The following MZB1 variants were observed in gnomAD, a reference collection of about 807,000 sequenced individuals.
The protein encoded by MZB1 is marginal zone B and B1 cell specific protein.
MZB1 carries 10 observed loss-of-function variants against 17.2 expected under a neutral mutation model. That is an observed-to-expected ratio of 0.58 (90% CI 0.36 to 0.98). The LOEUF is 0.98. Ranked by LOEUF, MZB1 falls within the 50% of genes least tolerant of loss-of-function variation. The pLI is 0.01. For missense variants in MZB1, 246 were observed against 237.5 expected (o/e 1.04, Z -0.23); for synonymous variants, 99 against 98.7 (o/e 1.00, Z -0.02).
rs1758538137 is a variant in MZB1, at chr5:139,387,726, C to T, written c.*39G>A. On this transcript the variant is annotated 3_prime_UTR_variant, in exon 4 of 4. Transcript: ENST00000302125. ...CAGACGGGAGTGGAGACCGTCAGAG[C>T]AAGCCCCAGCTTCTTTCAGAGGAGG... 27 of 1,487,964 alleles carry T rather than the reference C, an allele frequency of 1.8e-5. No homozygotes were observed. The highest frequency in any genetic ancestry group is 4.4e-5 in the South Asian group (3 of 68,962). The allele number at this position is 1,487,964 out of a possible 1,614,324, so 92.2% of individuals were successfully genotyped here. A position where few individuals can be genotyped will look rare whatever the true frequency, so the allele number is the denominator to read the frequency against.
chr5:139,389,555 T>A, intron 1 of MZB1, 125 bp downstream of exon 1: 1 of 1,158,576 alleles, frequency 8.6e-7, no homozygotes, highest in Non-Finnish European at 1.2e-6. Flanking sequence ...AGGCTGCATC[T>A]GTGGCTTGAT....
intron 1 of MZB1, 181 bp downstream of exon 1, chr5:139,389,496 TCTG>T (rs1758573753): frequency 6.4e-6 from 5 of 781,082 alleles, no homozygotes; most frequent in Non-Finnish European, 1.1e-5. Flanking sequence ...TCCCAGATTG[TCTG>T]CTGTTAGGCA....
chr5:139,388,945 A>C, intron 1 of MZB1: 1 of 204,044 alleles, frequency 4.9e-6, no homozygotes, highest in Non-Finnish European at 1.0e-5. Flanking sequence ...ATCTCAGCTC[A>C]CTGCAGCCTC....
chr5:139,389,657 G>A (rs990085445), intron 1 of MZB1, 23 bp downstream of exon 1: 3 of 1,579,460 alleles, frequency 1.9e-6, no homozygotes, highest in Non-Finnish European at 2.6e-6. Context: ...AGCAGGGCAG[G>A]GTGACAGTGG....
Position 139,388,095 on chromosome 5 carries a change from G to A in MZB1, c.339C>T (p.Leu113=). 3.2e-6 allele frequency: 5 copies of A among 1,552,170 alleles called. No individual in the cohort carries two copies. The highest frequency in any genetic ancestry group is 3.5e-6 in the Non-Finnish European group (4 of 1,147,622). The part of the protein sequence containing the change: ...GVREVDQVKR[L]TGPGLSEGPE... ...GCCCCTCGCTAAGTCCTGGGCCTGT[G>A]AGACGTTTCACTTGGTCCACTTCTC... Residue 113 remains leucine, a synonymous_variant, in exon 3 of 4, where the codon CTC becomes CTT. Transcript: ENST00000302125.
Position 139,388,053 on chromosome 5 carries a change from G to A in MZB1, c.381C>T (p.Ser127=), listed in dbSNP as rs1210478023. 16 of 1,554,806 alleles carry A rather than the reference G, an allele frequency of 1.0e-5. No homozygotes were observed. The highest frequency in any genetic ancestry group is 4.9e-5 in the East Asian group (2 of 41,130). Residue 127 remains serine, a synonymous_variant, in exon 3 of 4, where the codon AGC becomes AGT. Transcript: ENST00000302125. ...GCCAGGGGCCCCCTGTGACCATCAC[G>A]CTGATGCTTGGCTCTGGCCCCTCGC... is the stretch of plus-strand genomic sequence containing the variant. ...GLSEGPEPSI[S]VMVTGGPWPT...
rs778521474 is a variant in MZB1, at chr5:139,387,881, C to G, written c.454G>C (p.Glu152Gln). The change falls in exon 4 of 4, where the codon GAA (glutamate) becomes CAA (glutamine). Residue 152 changes from glutamate (E) to glutamine (Q), a missense_variant. Glu to Gln is a conservative substitution (Grantham distance 29, BLOSUM62 2). Transcript: ENST00000302125. Reference protein sequence around the residue: ...TCLHYLGEFGEDQIYEAHQQG... With the variant: ...TCLHYLGEFGQDQIYEAHQQG... ...TGGTGGGCTTCATAGATCTGGTCTT[C>G]TCCAAACTCCCCCAAGTAGTGCAAA... 1.2e-6 allele frequency: 2 copies of G among 1,602,622 alleles called. No homozygotes were observed. Among genetic ancestry groups the G allele is most frequent in the South Asian group, 1.1e-5 (1 of 89,526 alleles).
At chr5:139,389,376 C>A in intron 1 of MZB1, 1 of 602,348 alleles carries the variant, frequency 1.7e-6, no homozygotes, top group Non-Finnish European at 3.1e-6. Context: ...ATAGCCAAAG[C>A]CGCCCCGTCA....
chr5:139,389,783 G>C lies in MZB1; in HGVS notation c.74C>G (p.Ala25Gly), dbSNP rs1208874686. Residue 25 changes from alanine to glycine, a missense_variant, in exon 1 of 4, where the codon GCG becomes GGG. Coordinates refer to ENST00000302125, the MANE Select transcript of MZB1 (RefSeq NM_016459.4). ...TTGTGGGGCTGTGGCTGTGAGTGGCGCCCTGTCCCCGAGGCCCCCTGGGAT... is the reference window on the plus strand; with the variant it reads ...TTGTGGGGCTGTGGCTGTGAGTGGCCCCCTGTCCCCGAGGCCCCCTGGGAT... Reference protein sequence around the residue: ...WAIPGGLGDRAPLTATAPQLD... With the variant: ...WAIPGGLGDRGPLTATAPQLD... The C allele has an allele frequency of 2.6e-6, 4 of 1,552,462 alleles. No individual in the cohort carries two copies. The African/African-American group carries it at 5.5e-5, about 21-fold the overall frequency.
At chr5:139,388,259 G>C in intron 2 of MZB1, 128 bp from the exon 3 acceptor site, 2 of 1,100,844 alleles carry the variant, frequency 1.8e-6, no homozygotes, top group South Asian at 1.6e-5. Flanking sequence ...CCTGGCCCAA[G>C]GTCACAAGGT....
intron 1 of MZB1, chr5:139,388,810 G>A (rs1758557754): frequency 1.7e-6 from 1 of 572,402 alleles, no homozygotes. Flanking sequence ...GGTGAGGCCT[G>A]GGCACTGGGG....
chr5:139,389,202 G>A (rs1005436119), intron 1 of MZB1: 5 of 316,042 alleles, frequency 1.6e-5, no homozygotes, highest in Admixed American at 1.3e-4. Context: ...ACAAGAGCAA[G>A]GTAAGAAAAA....
In MZB1 at chr5:139,387,706, G is replaced by A. The variant is rs960413797; in HGVS notation, c.*59C>T. 3.8e-5 allele frequency: 56 copies of A among 1,469,830 alleles called. No homozygotes were observed. The highest frequency in any genetic ancestry group is 4.9e-5 in the Non-Finnish European group (54 of 1,112,996). 91.0% of individuals were successfully genotyped at this position (1,469,830 alleles called of 1,614,324 possible). A position where few individuals can be genotyped will look rare whatever the true frequency, so the allele number is the denominator to read the frequency against. On this transcript the variant is annotated 3_prime_UTR_variant, in exon 4 of 4. Coordinates refer to ENST00000302125, the MANE Select transcript of MZB1 (RefSeq NM_016459.4). ...CCTGCCCTCCTGGCTGCCTGCAGACGGGAGTGGAGACCGTCAGAGCAAGCC... is the reference window on the plus strand; with the variant it reads ...CCTGCCCTCCTGGCTGCCTGCAGACAGGAGTGGAGACCGTCAGAGCAAGCC...
intron 1 of MZB1, 72 bp downstream of exon 1, chr5:139,389,606 ATG>A: frequency 6.7e-7 from 1 of 1,491,018 alleles, no homozygotes; most frequent in Non-Finnish European, 9.1e-7. Flanking sequence ...CGGTGGTGGA[ATG>A]TGAGGTGGGT....
intron 1 of MZB1, 154 bp downstream of exon 1, chr5:139,389,526 G>A: frequency 1.0e-6 from 1 of 957,508 alleles, no homozygotes; most frequent in Non-Finnish European, 1.6e-6. Context: ...TGGGTAAACT[G>A]AGGCATGGAA....
At chr5:139,388,159 C>A (rs1465797209) in intron 2 of MZB1, 28 bp from the exon 3 acceptor site, 1 of 1,539,562 alleles carries the variant, frequency 6.5e-7, no homozygotes, top group Non-Finnish European at 8.8e-7. Context: ...GAGAGGAGTA[C>A]AGTTTTGGCA....
At position 139,387,519 on chromosome 5, in the gene MZB1, C is replaced by G; in HGVS notation, c.*246G>C. 2.7e-6 allele frequency: 1 copy of G among 368,402 alleles called. No homozygotes were observed. Among genetic ancestry groups the G allele is most frequent in the Non-Finnish European group, 4.8e-6 (1 of 207,602 alleles). The allele number at this position is 368,402 out of a possible 1,614,324, so 22.8% of individuals were successfully genotyped here. A position where few individuals can be genotyped will look rare whatever the true frequency, so the allele number is the denominator to read the frequency against. On this transcript the variant is annotated 3_prime_UTR_variant, in exon 4 of 4. Coordinates refer to ENST00000302125, the MANE Select transcript of MZB1 (RefSeq NM_016459.4). ...TCACAAGGGACATCAGCAGAAACAC[C>G]AATGTCTGCACTCCCAGCCCCACAA...
At chr5:139,388,800 G>A (rs1374428165) in intron 1 of MZB1, 12 of 675,604 alleles carry the variant, frequency 1.8e-5, no homozygotes, top group Non-Finnish European at 2.8e-5. Context: ...TGAAGTGGTA[G>A]GTGAGGCCTG....
intron 1 of MZB1, chr5:139,389,426 A>T: frequency 1.5e-6 from 1 of 676,626 alleles, no homozygotes; most frequent in Non-Finnish European, 2.7e-6. Context: ...TGGGCCTGGA[A>T]AGGGAGAAGT....
Sources: allele counts gnomAD v4.1 joint callset, GRCh38; gene constraint gnomAD v4.1.1; transcripts MANE v1.5; gene names NCBI Gene and HGNC (gene_info 2026-07-23, HGNC 2026-07-21).